The following PURG variants were observed in gnomAD, a reference collection of about 807,000 sequenced individuals.
PURG encodes the protein purine-rich element-binding protein gamma.
A neutral mutation model predicts 24.3 loss-of-function variants in PURG; 3 were observed. The observed-to-expected ratio is 0.12, with a 90% confidence interval of 0.06 to 0.32. The LOEUF (loss-of-function observed/expected upper bound fraction) is 0.32. Ranked by LOEUF, PURG falls within the 10% of genes least tolerant of loss-of-function variation. The pLI is 1.00. For synonymous variants in PURG, 180 were observed against 173.1 expected, an observed-to-expected ratio of 1.04 and a Z score of -0.31; for missense variants, 371 against 439.1, an observed-to-expected ratio of 0.84 and a Z score of 1.39.
At chr8:31,029,472 GTATA>G (rs1432417154), downstream of PURG, among the ~76,000 whole-genome samples, 1 of 151,602 alleles carries the variant, frequency 6.6e-6, no homozygotes, top group Non-Finnish European at 1.5e-5. Flanking sequence ...TTGTATGTAT[GTATA>G]CACACATATA....
At chr8:31,018,259 A>C (rs2129816670) in intron 1 of PURG, among the ~76,000 whole-genome samples, 1 of 152,370 alleles carries the variant, frequency 6.6e-6, no homozygotes, top group Admixed American at 6.5e-5. Flanking sequence ...CTTTATCCAA[A>C]CCAGTAAATT....
At chr8:31,006,087 T>A (rs183383312) in intron 1 of PURG, among the ~76,000 whole-genome samples, 3 of 152,110 alleles carry the variant, frequency 2.0e-5, no homozygotes, top group East Asian at 3.8e-4. Flanking sequence ...CCACTTCAAA[T>A]ATAAGGGGCC....
Position 31,032,975 on chromosome 8 carries a change from C to T in PURG, c.-7+103G>A. ...TGGCGGCCGCCGCTCCGGCTCTGCC[C>T]GCGCTCCCCGCATCCCTCCGCCGCC... is the stretch of plus-strand genomic sequence containing the variant. On this transcript the variant is annotated intron_variant, in intron 1 of 1. Coordinates refer to ENST00000523392, the MANE Select transcript of PURG (RefSeq NM_001323311.2). This position sits in a 1 kb window ranked among gnomAD's most constrained non-coding sequence, Gnocchi z 5.9. 2 of 190,526 alleles carry T rather than the reference C, an allele frequency of 1.0e-5. No homozygotes were observed. Among genetic ancestry groups the T allele is most frequent in the East Asian group, 1.7e-4 (1 of 5,888 alleles). 11.8% of individuals were successfully genotyped at this position (190,526 alleles called of 1,614,324 possible).
At chr8:31,028,226 C>T (rs1811125916), downstream of PURG, among the ~76,000 whole-genome samples, 1 of 151,780 alleles carries the variant, frequency 6.6e-6, no homozygotes. Flanking sequence ...GTGAACTCTA[C>T]TTTAAAATTC....
In PURG at chr8:31,032,735, T is replaced by TC; in HGVS notation, c.47dup (p.Gly17ArgfsTer13). 7.2e-7 allele frequency: 1 copy of TC among 1,382,598 alleles called. No individual in the cohort carries two copies. The highest frequency in any genetic ancestry group is 9.4e-7 in the Non-Finnish European group (1 of 1,060,686). 85.6% of individuals were successfully genotyped at this position (1,382,598 alleles called of 1,614,324 possible). On this transcript the variant is annotated frameshift_variant, in exon 2 of 2. Coordinates refer to ENST00000523392, the MANE Select transcript of PURG (RefSeq NM_001323311.2). LOFTEE classifies it high-confidence loss of function. The surrounding 1 kb of genome is among the most constrained non-coding windows in gnomAD (Gnocchi z 5.9). ...GGCCAGAGCCCCCTACATTCTTGCC[T>TC]CCGCGGCCGCGGCCGCCGCCGCCTC...
At chr8:31,023,699 A>G (rs1385274964) in intron 1 of PURG, among the ~76,000 whole-genome samples, 1 of 152,196 alleles carries the variant, frequency 6.6e-6, no homozygotes, top group Non-Finnish European at 1.5e-5. Context: ...TAATCTTTGC[A>G]TACCCTAGTA....
chr8:31,000,315 C>A (rs1256401838), intron 1 of PURG, among the ~76,000 whole-genome samples: 1 of 152,110 alleles, frequency 6.6e-6, no homozygotes, highest in African/African-American at 2.4e-5. Flanking sequence ...GGTTCTCCAT[C>A]AAATTTGGCA....
intron 1 of PURG, among the ~76,000 whole-genome samples, chr8:31,009,640 A>G (rs527315717): frequency 6.6e-6 from 1 of 152,298 alleles, no homozygotes; most frequent in African/African-American, 2.4e-5. Flanking sequence ...AACATGTATT[A>G]TTTCGATTTT....
intron 1 of PURG, among the ~76,000 whole-genome samples, chr8:31,007,946 G>T (rs143000604): frequency 2.0e-5 from 3 of 152,280 alleles, no homozygotes; most frequent in Admixed American, 2.0e-4. Context: ...GGTGTCTTTG[G>T]ATGAGTAGGA....
At position 31,031,739 on chromosome 8, in the gene PURG, C is replaced by G; in HGVS notation, c.1044G>C (p.Ter348TyrextTer56). The G allele has an allele frequency of 6.5e-7, 1 of 1,542,358 alleles. No homozygotes were observed. Among genetic ancestry groups the G allele is most frequent in the Non-Finnish European group, 8.7e-7 (1 of 1,142,914 alleles). Residue 348 changes from the stop codon to tyrosine (Y), a stop_lost, in exon 2 of 2, where the codon TAG becomes TAC. Coordinates refer to ENST00000523392, the MANE Select transcript of PURG (RefSeq NM_001323311.2). ...ASGEEQECLD[*>Y] ...TTGCCTGATGGAGTTCAATTTCACT[C>G]TAGTCGAGGCATTCTTGTTCTTCAC... is the stretch of plus-strand genomic sequence containing the variant.
chr8:31,018,909 C>G (rs541992472), intron 1 of PURG, among the ~76,000 whole-genome samples: 1 of 150,884 alleles, frequency 6.6e-6, no homozygotes, highest in East Asian at 1.9e-4. Context: ...GGGCGGATCA[C>G]GAGGTCAGGA....
At chr8:31,017,788 C>T (rs577839371) in intron 1 of PURG, among the ~76,000 whole-genome samples, 69 of 152,050 alleles carry the variant, frequency 4.5e-4, no homozygotes, top group Non-Finnish European at 9.3e-4. Flanking sequence ...AATTAGCAAA[C>T]GATGTTGCTT....
At chr8:30,997,876 C>A (rs1268080904) in intron 1 of PURG, among the ~76,000 whole-genome samples, 1 of 151,758 alleles carries the variant, frequency 6.6e-6, no homozygotes, top group Non-Finnish European at 1.5e-5. Context: ...AACAGCTATA[C>A]ACAGCAGCAC....
At chr8:31,003,394 T>TC (rs1810578337) in intron 1 of PURG, among the ~76,000 whole-genome samples, 1 of 152,020 alleles carries the variant, frequency 6.6e-6, no homozygotes, top group African/African-American at 2.4e-5. Flanking sequence ...CCATTATTTT[T>TC]TTTTTCCCAC....
chr8:31,016,603 A>AAAAAAAAAAAAAAAAAAAC, intron 1 of PURG, among the ~76,000 whole-genome samples: 1 of 145,518 alleles, frequency 6.9e-6, no homozygotes, highest in Non-Finnish European at 1.5e-5. Context: ...AAAAAAAAAA[A>AAAAAAAAAAAAAAAAAAAC]AAAAAAGAAA....
chr8:30,996,419 G>T, exon 2 of PURG: 1 of 482,282 alleles, frequency 2.1e-6, no homozygotes, highest in Middle Eastern at 5.2e-4. Flanking sequence ...ACTTCAATGT[G>T]GTGGAAATTA....
chr8:31,024,205 G>A (rs751622775), intron 1 of PURG, among the ~76,000 whole-genome samples: 23 of 152,048 alleles, frequency 1.5e-4, no homozygotes, highest in Admixed American at 5.9e-4. Context: ...GCATTGTTCC[G>A]TTGGGTATCA....
chr8:31,005,771 C>A (rs867928643), intron 1 of PURG, among the ~76,000 whole-genome samples: 1 of 142,198 alleles, frequency 7.0e-6, no homozygotes. Context: ...TTTCTTTTTT[C>A]TTTTTTTTTT....
At chr8:31,002,898 AAAATT>A (rs1367248359) in intron 1 of PURG, among the ~76,000 whole-genome samples, 3 of 152,236 alleles carry the variant, frequency 2.0e-5, no homozygotes, top group African/African-American at 7.2e-5. Flanking sequence ...CAGTTTAATT[AAAATT>A]AATTACTACA....
Sources: allele counts gnomAD v4.1 joint callset (sites outside exome capture counted in the v4.1 genomes callset), GRCh38; gene constraint gnomAD v4.1.1; non-coding constraint Gnocchi (gnomAD v3.1); transcripts MANE v1.5; gene names NCBI Gene and HGNC (gene_info 2026-07-23, HGNC 2026-07-21).